DCC: variants seen among roughly 807,000 people sequenced by gnomAD.
DCC encodes netrin receptor DCC.
In DCC, 58 loss-of-function variants were observed where a neutral mutation model predicts 172.5. That is an observed-to-expected ratio of 0.34 (90% CI 0.27 to 0.42). DCC has a LOEUF of 0.42. DCC is among the 10% of genes least tolerant of loss of function. The pLI is 1.00. For missense variants in DCC, 1,740 were observed against 1,791.0 expected (o/e 0.97, Z 0.51); for synonymous variants, 709 against 644.5 (o/e 1.10, Z -1.52).
intron 1 of DCC, among the ~76,000 whole-genome samples, chr18:52,479,660 T>C (rs1390444629): frequency 6.6e-6 from 1 of 150,618 alleles, no homozygotes; most frequent in Non-Finnish European, 1.5e-5. Flanking sequence ...TCCAAAATTA[T>C]GATTGTTAGC....
rs376995726 is a variant in DCC, at chr18:53,284,019, G to A, written c.1912-21559G>A. ...TATCATTTTATTTTCTTGTGCTTGA[G>A]CAAATAAGCATATAAATTATTATTT... On this transcript the variant is annotated intron_variant, in intron 12 of 28. Coordinates refer to ENST00000442544, the MANE Select transcript of DCC (RefSeq NM_005215.4). Among the ~76,000 whole-genome samples the A allele has an allele frequency of 8.6e-4, 131 of 152,262 alleles. 1 individual carries two copies. Among genetic ancestry groups the A allele is most frequent in the African/African-American group, 2.8e-3 (117 of 41,560 alleles).
intron 1 of DCC, among the ~76,000 whole-genome samples, chr18:52,398,896 A>G (rs961278646): frequency 1.4e-4 from 21 of 152,004 alleles, no homozygotes; most frequent in Non-Finnish European, 7.4e-5. Flanking sequence ...CCAAAATCTC[A>G]CAAATCACCA....
chr18:52,527,889 C>A (rs2032031398), intron 1 of DCC, among the ~76,000 whole-genome samples: 1 of 152,156 alleles, frequency 6.6e-6, no homozygotes, highest in Non-Finnish European at 1.5e-5. Flanking sequence ...CTGGTCAGAT[C>A]CCCAAAGACT....
chr18:53,140,551 C>T (rs2043815111), intron 7 of DCC, among the ~76,000 whole-genome samples: 1 of 152,244 alleles, frequency 6.6e-6, no homozygotes. Context: ...AGTTTGTTTT[C>T]ATATCCTTAT....
chr18:53,022,026 T>G (rs531393847), intron 5 of DCC, among the ~76,000 whole-genome samples: 76 of 152,300 alleles, frequency 5.0e-4, no homozygotes, highest in Non-Finnish European at 9.0e-4. Flanking sequence ...GTCAGCTGTT[T>G]CCAGGTTATA....
intron 7 of DCC, among the ~76,000 whole-genome samples, chr18:53,103,347 T>G (rs1216385671): frequency 1.3e-5 from 2 of 152,042 alleles, no homozygotes; most frequent in African/African-American, 4.8e-5. Context: ...GGGTAGTAAC[T>G]AAAGCAGCAT....
chr18:52,589,940 G>T (rs76969307), intron 1 of DCC, among the ~76,000 whole-genome samples: 3,054 of 152,214 alleles, frequency 0.02, 111 homozygotes, highest in East Asian at 0.095. Context: ...TTTTGTTGAT[G>T]ATCTATTGAT....
intron 1 of DCC, among the ~76,000 whole-genome samples, chr18:52,412,629 A>G (rs1369954089): frequency 6.6e-6 from 1 of 152,170 alleles, no homozygotes; most frequent in African/African-American, 2.4e-5. Flanking sequence ...GTATTTCTAC[A>G]TATTCTAATT....
chr18:53,205,504 T>C lies in DCC; in HGVS notation c.1722+140T>C, dbSNP rs1396070303. 8.8e-5 allele frequency: 75 copies of C among 849,780 alleles called. No homozygotes were observed. In the East Asian group the frequency reaches 1.9e-3, roughly 21 times the overall value. 52.6% of individuals were successfully genotyped at this position (849,780 alleles called of 1,614,324 possible). On this transcript the variant is annotated intron_variant, in intron 10 of 28. Transcript: ENST00000442544. ...TTAACACATTCATTGAAAAGCTGAT[T>C]AGTTTTAAAGCACTTGTTATTGGAA...
chr18:52,826,772 C>A lies in DCC; in HGVS notation c.412+74398C>A, dbSNP rs1332673801. On this transcript the variant is annotated intron_variant, in intron 2 of 28. Coordinates refer to ENST00000442544, the MANE Select transcript of DCC (RefSeq NM_005215.4). ...GGGATTACAGGTGTGAGCCACCACA[C>A]CCAGCCAAAAATATGTTTATCATTT... is the stretch of plus-strand genomic sequence containing the variant. Among the ~76,000 whole-genome samples, 3 of 152,170 alleles carry A rather than the reference C, an allele frequency of 2.0e-5. No homozygotes were observed. The South Asian group carries it at 6.2e-4, about 31-fold the overall frequency.
At chr18:53,479,491 C>T (rs1322737453) in intron 25 of DCC, among the ~76,000 whole-genome samples, 1 of 152,122 alleles carries the variant, frequency 6.6e-6, no homozygotes, top group Admixed American at 6.5e-5. Flanking sequence ...AATTTTCAAA[C>T]AAAATTAATC....
intron 7 of DCC, among the ~76,000 whole-genome samples, chr18:53,109,790 C>T (rs2043303897): frequency 6.6e-6 from 1 of 151,188 alleles, no homozygotes; most frequent in Non-Finnish European, 1.5e-5. Context: ...AAATGTTGTC[C>T]TTTTTTTTCC....
intron 5 of DCC, among the ~76,000 whole-genome samples, chr18:53,013,883 C>T (rs2041767731): frequency 6.6e-6 from 1 of 152,078 alleles, no homozygotes. Flanking sequence ...AACTGAGTTA[C>T]TGTATTTGAA....
chr18:53,232,244 C>T (rs1252060738), intron 12 of DCC, among the ~76,000 whole-genome samples: 1 of 152,138 alleles, frequency 6.6e-6, no homozygotes, highest in Non-Finnish European at 1.5e-5. Flanking sequence ...TTAGTTTCTA[C>T]AAATATTTCT....
chr18:52,893,175 GTC>G (rs904165197), intron 2 of DCC, among the ~76,000 whole-genome samples: 9 of 150,870 alleles, frequency 6.0e-5, no homozygotes, highest in African/African-American at 1.7e-4. Context: ...CCTTTTTTTT[GTC>G]TCTCTCTAAA....
intron 1 of DCC, among the ~76,000 whole-genome samples, chr18:52,662,831 C>T (rs1214680051): frequency 2.0e-5 from 3 of 152,148 alleles, no homozygotes; most frequent in Non-Finnish European, 4.4e-5. Flanking sequence ...AAGGTGCCTG[C>T]TTTCTGGTTC....
intron 10 of DCC, 48 bp downstream of exon 10, chr18:53,205,412 A>G (rs746754382): frequency 6.3e-7 from 1 of 1,588,084 alleles, no homozygotes; most frequent in East Asian, 2.2e-5. Context: ...GGATGTTTCC[A>G]TCCATTGGAT....
At chr18:52,492,414 C>G (rs75527360) in intron 1 of DCC, among the ~76,000 whole-genome samples, 5,089 of 151,894 alleles carry the variant, frequency 0.034, 119 homozygotes, top group Non-Finnish European at 0.049. Context: ...ACTAAAGGAA[C>G]AAGGTTCTTG....
intron 5 of DCC, among the ~76,000 whole-genome samples, chr18:52,990,370 G>A (rs912644538): frequency 8.6e-5 from 13 of 151,606 alleles, no homozygotes; most frequent in South Asian, 2.1e-4. Context: ...CAGAAACCCC[G>A]TCTCTACTAA....
Sources: allele counts gnomAD v4.1 joint callset (sites outside exome capture counted in the v4.1 genomes callset), GRCh38; gene constraint gnomAD v4.1.1; transcripts MANE v1.5; gene names NCBI Gene and HGNC (gene_info 2026-07-23, HGNC 2026-07-21).